The following ENTREP2 variants were observed in gnomAD, a reference collection of about 807,000 sequenced individuals.
ENTREP2 encodes protein ENTREP2.
chr15:29,238,097 A>C, the ENTREP2 span, among the ~76,000 whole-genome samples: 1 of 152,200 alleles, frequency 6.6e-6, no homozygotes, highest in African/African-American at 2.4e-5. Context: ...GAAGCCAGTC[A>C]TAAAAGACTA....
chr15:29,582,260 CAAAT>C, the ENTREP2 span, among the ~76,000 whole-genome samples: 1 of 152,040 alleles, frequency 6.6e-6, no homozygotes, highest in Non-Finnish European at 1.5e-5. Context: ...TAAGCAAAAA[CAAAT>C]AAATAACAAC....
chr15:29,264,048 G>A, the ENTREP2 span, among the ~76,000 whole-genome samples: 2 of 150,458 alleles, frequency 1.3e-5, no homozygotes, highest in South Asian at 4.2e-4. Context: ...CCAGCTACTC[G>A]GGAGGCTGAG....
chr15:29,652,338 T>C, the ENTREP2 span, among the ~76,000 whole-genome samples: 1 of 152,216 alleles, frequency 6.6e-6, no homozygotes, highest in African/African-American at 2.4e-5. Flanking sequence ...AGTGGGTCCC[T>C]GAGCTGTTCT....
the ENTREP2 span, among the ~76,000 whole-genome samples, chr15:29,343,745 A>T: frequency 6.6e-6 from 1 of 152,182 alleles, no homozygotes; most frequent in Non-Finnish European, 1.5e-5. Context: ...GGGAATTCTC[A>T]GTTTAGGCCT....
chr15:29,538,416 A>G, the ENTREP2 span, among the ~76,000 whole-genome samples: 1 of 152,248 alleles, frequency 6.6e-6, no homozygotes, highest in African/African-American at 2.4e-5. Context: ...GGAAATTATT[A>G]TAAGTTAGGT....
the ENTREP2 span, among the ~76,000 whole-genome samples, chr15:29,241,898 G>T: frequency 6.6e-6 from 1 of 152,014 alleles, no homozygotes; most frequent in Non-Finnish European, 1.5e-5. Context: ...TAAAAAATTA[G>T]CTGGGTGTGG....
chr15:29,205,306 C>T, the ENTREP2 span, among the ~76,000 whole-genome samples: 3 of 152,152 alleles, frequency 2.0e-5, no homozygotes, highest in Non-Finnish European at 4.4e-5. Context: ...CTATTTGAGT[C>T]CCTGCTTTCA....
the ENTREP2 span, among the ~76,000 whole-genome samples, chr15:29,202,194 A>G: frequency 6.6e-6 from 1 of 152,002 alleles, no homozygotes; most frequent in South Asian, 2.1e-4. Flanking sequence ...AATGTTGTTG[A>G]TGTTGTCAAA....
chr15:29,477,214 C>G, the ENTREP2 span, among the ~76,000 whole-genome samples: 1 of 151,976 alleles, frequency 6.6e-6, no homozygotes, highest in African/African-American at 2.4e-5. Context: ...AAAATTAATA[C>G]AGGATGCTAA....
At chr15:29,403,210 TAGAGAATAA>T in the ENTREP2 span, among the ~76,000 whole-genome samples, 1 of 151,858 alleles carries the variant, frequency 6.6e-6, no homozygotes, top group Non-Finnish European at 1.5e-5. Context: ...TGCTCCTTGA[TAGAGAATAA>T]TGAGAATTTC....
the ENTREP2 span, among the ~76,000 whole-genome samples, chr15:29,362,958 C>T: frequency 1.3e-5 from 2 of 152,072 alleles, no homozygotes; most frequent in African/African-American, 2.4e-5. Flanking sequence ...ATATTTAATA[C>T]TGTTAGTAAA....
chr15:29,399,012 C>T, the ENTREP2 span, among the ~76,000 whole-genome samples: 1 of 152,184 alleles, frequency 6.6e-6, no homozygotes, highest in African/African-American at 2.4e-5. Flanking sequence ...TTGGTGAAGT[C>T]CCAATTTGAG....
the ENTREP2 span, among the ~76,000 whole-genome samples, chr15:29,479,150 T>A: frequency 4.3e-5 from 6 of 138,610 alleles, no homozygotes; most frequent in Non-Finnish European, 7.6e-5. Context: ...GAGCTTGCAG[T>A]GAGCCAAGAT....
the ENTREP2 span, among the ~76,000 whole-genome samples, chr15:29,431,231 T>C: frequency 1.3e-5 from 2 of 152,192 alleles, no homozygotes; most frequent in Non-Finnish European, 2.9e-5. Context: ...CCTCGGTTTA[T>C]ACCCAGGCCA....
chr15:29,661,367 A>C, the ENTREP2 span, among the ~76,000 whole-genome samples: 1 of 151,986 alleles, frequency 6.6e-6, no homozygotes, highest in Non-Finnish European at 1.5e-5. Flanking sequence ...TGCCTGGCTA[A>C]TTTTTGTATT....
the ENTREP2 span, among the ~76,000 whole-genome samples, chr15:29,159,372 A>G: frequency 4.6e-5 from 7 of 152,288 alleles, no homozygotes; most frequent in Non-Finnish European, 1.0e-4. Flanking sequence ...GTGGACCGAG[A>G]GAGTGAGCAG....
chr15:29,158,654 G>A, the ENTREP2 span, among the ~76,000 whole-genome samples: 1 of 152,036 alleles, frequency 6.6e-6, no homozygotes, highest in Non-Finnish European at 1.5e-5. Context: ...TTTTATCAGA[G>A]TCCTTTACAA....
the ENTREP2 span, among the ~76,000 whole-genome samples, chr15:29,279,476 T>C: frequency 1.3e-5 from 2 of 152,106 alleles, no homozygotes; most frequent in African/African-American, 4.8e-5. Context: ...GTGATTCTCC[T>C]GCCTCAGCCT....
the ENTREP2 span, among the ~76,000 whole-genome samples, chr15:29,399,407 A>C: frequency 6.6e-6 from 1 of 152,222 alleles, no homozygotes; most frequent in Admixed American, 6.5e-5. Context: ...AAAAAGGAAA[A>C]ATAAAAGAAA....
Sources: gnomAD v4.1 joint callset for allele counts (sites outside exome capture counted in the v4.1 genomes callset) on GRCh38, gnomAD v4.1.1 for gene constraint, MANE v1.5 for transcripts, NCBI Gene and HGNC (gene_info 2026-07-23, HGNC 2026-07-21) for gene names.